Variants in ENOX1 observed in about 807,000 individuals in gnomAD.
ENOX1 encodes candidate growth-related and time keeping constitutive hydroquinone (NADH) oxidase.
ENOX1 carries 42 observed loss-of-function variants against 82.5 expected under a neutral mutation model. The observed-to-expected ratio is 0.51, with a 90% CI of 0.40 to 0.66. The LOEUF (loss-of-function observed/expected upper bound fraction) is 0.66, where lower values mean the gene tolerates loss of function less well. Ranked by LOEUF, ENOX1 falls within the 30% of genes least tolerant of loss-of-function variation. The pLI is 0.00. For synonymous variants in ENOX1, 271 were observed against 282.2 expected (o/e 0.96, Z 0.40); for missense variants, 608 against 811.6 (o/e 0.75, Z 3.05).
chr13:43,293,473 G>T (rs1174376317), intron 12 of ENOX1, among the ~76,000 whole-genome samples: 1 of 151,854 alleles, frequency 6.6e-6, no homozygotes, highest in East Asian at 1.9e-4. Context: ...TATCACTACT[G>T]CAGTCACCTT....
intron 1 of ENOX1, among the ~76,000 whole-genome samples, chr13:43,668,347 G>A (rs1028389157): frequency 1.3e-5 from 2 of 152,126 alleles, no homozygotes; most frequent in Non-Finnish European, 2.9e-5. Flanking sequence ...AGAATCATAA[G>A]AAATAGGTTG....
rs750558048 is a variant in ENOX1, at chr13:43,411,946, C to A, written c.178G>T (p.Val60Leu). 4.3e-6 allele frequency: 7 copies of A among 1,614,182 alleles called. No homozygotes were observed. Among genetic ancestry groups the A allele is most frequent in the Non-Finnish European group, 5.9e-6 (7 of 1,180,034 alleles). ...TAMNNLGMVP[V>L]GLPGQQLVSD... ...ACGAGCTGCTGTCCAGGCAACCCTA[C>A]GGGAACCATGCCCAGGTTATTCATG... Residue 60 changes from valine to leucine, a missense_variant, in exon 5 of 17, where the codon GTA becomes TTA. Val to Leu is a conservative substitution (Grantham distance 32, BLOSUM62 1). Transcript: ENST00000690772.
intron 14 of ENOX1, among the ~76,000 whole-genome samples, chr13:43,259,404 G>C (rs1490496584): frequency 6.6e-6 from 1 of 152,208 alleles, no homozygotes; most frequent in African/African-American, 2.4e-5. Flanking sequence ...CAGGATGCAA[G>C]AGCTGCAACA....
chr13:43,470,259 TACATATATATAC>T (rs1177367967), intron 3 of ENOX1, among the ~76,000 whole-genome samples: 1 of 60,198 alleles, frequency 1.7e-5, no homozygotes, highest in Non-Finnish European at 4.5e-5. Flanking sequence ...CATATATATA[TACATATATATAC>T]ACATATATAT....
At chr13:43,321,701 C>T (rs1353488165) in intron 11 of ENOX1, among the ~76,000 whole-genome samples, 5 of 152,230 alleles carry the variant, frequency 3.3e-5, no homozygotes, top group Non-Finnish European at 7.3e-5. Context: ...CTAGGTCCTT[C>T]GGACAACACC....
At chr13:43,283,351 ATTTGGCTGTGTTG>A (rs1277116980) in intron 12 of ENOX1, among the ~76,000 whole-genome samples, 6 of 152,090 alleles carry the variant, frequency 3.9e-5, no homozygotes, top group African/African-American at 1.4e-4. Flanking sequence ...CTTTTCAAAC[ATTTGGCTGTGTTG>A]ATCTTCTCTA....
At chr13:43,497,319 A>C (rs1035252240) in intron 2 of ENOX1, among the ~76,000 whole-genome samples, 2 of 152,264 alleles carry the variant, frequency 1.3e-5, no homozygotes, top group South Asian at 4.1e-4. Context: ...AACTGGTGAG[A>C]GTGAACACCC....
chr13:43,333,479 G>A (rs536587724), intron 9 of ENOX1, among the ~76,000 whole-genome samples: 3 of 152,306 alleles, frequency 2.0e-5, no homozygotes, highest in African/African-American at 7.2e-5. Flanking sequence ...TTGTTGGCTC[G>A]ATGCTAAGTC....
intron 2 of ENOX1, among the ~76,000 whole-genome samples, chr13:43,571,308 T>G (rs2080168124): frequency 6.6e-6 from 1 of 152,196 alleles, no homozygotes; most frequent in South Asian, 2.1e-4. Flanking sequence ...ACTCCATCTG[T>G]CTCACTCTCA....
chr13:43,762,817 A>G (rs1188023196), intron 1 of ENOX1, among the ~76,000 whole-genome samples: 1 of 152,230 alleles, frequency 6.6e-6, no homozygotes, highest in Non-Finnish European at 1.5e-5. Flanking sequence ...AAGCCTCTGA[A>G]GCATTACAAG....
rs574227304 is a variant in ENOX1 at position 43,523,517 on chromosome 13, A to G, written c.-218-39365T>C. 1.9e-4 allele frequency among the ~76,000 whole-genome samples: 29 copies of G among 152,320 alleles called. No individual in the cohort carries two copies. The South Asian group carries it at 6.0e-3, about 32-fold the overall frequency. ...AAATTAGTTTTCTTACCTGATGAAC[A>G]AGGACTGTGAACGGGATCAATGACT... On this transcript the variant is annotated intron_variant, in intron 2 of 16. Transcript: ENST00000690772.
At position 43,339,567 on chromosome 13, in the gene ENOX1, T is replaced by A. The variant is rs139984629; in HGVS notation, c.1036+4971A>T. On this transcript the variant is annotated intron_variant, in intron 9 of 16. Coordinates refer to ENST00000690772, the MANE Select transcript of ENOX1 (RefSeq NM_001347969.2). ...GGCCTGCTCCACTAGTTAGCCAGTT[T>A]GCCAATACACCTGCTTCCAAACCAC... 8.6e-3 allele frequency among the ~76,000 whole-genome samples: 1,315 copies of A among 152,356 alleles called. 26 individuals are homozygous for A. Among genetic ancestry groups the A allele is most frequent in the African/African-American group, 0.029 (1,220 of 41,576 alleles).
At chr13:43,292,315 T>C (rs1375721984) in intron 12 of ENOX1, among the ~76,000 whole-genome samples, 1 of 152,112 alleles carries the variant, frequency 6.6e-6, no homozygotes, top group African/African-American at 2.4e-5. Context: ...GAAACTTCAA[T>C]TGGAAGGATC....
At chr13:43,322,283 T>C (rs1162128605) in intron 11 of ENOX1, 101 bp downstream of exon 11, 2 of 841,214 alleles carry the variant, frequency 2.4e-6, no homozygotes, top group Middle Eastern at 2.8e-4. Flanking sequence ...TTTAGTATAA[T>C]TCAAATAAAA....
intron 1 of ENOX1, among the ~76,000 whole-genome samples, chr13:43,778,494 A>G (rs1271116579): frequency 6.6e-6 from 1 of 152,152 alleles, no homozygotes; most frequent in African/African-American, 2.4e-5. Context: ...CAACAGATAC[A>G]AATGCACAGA....
At chr13:43,339,728 T>C (rs1267802237) in intron 9 of ENOX1, among the ~76,000 whole-genome samples, 1 of 152,154 alleles carries the variant, frequency 6.6e-6, no homozygotes, top group Non-Finnish European at 1.5e-5. Context: ...AGGGAGCAGT[T>C]GGGGCTGCTA....
chr13:43,222,802 G>A (rs959195972), intron 16 of ENOX1, among the ~76,000 whole-genome samples: 1 of 152,198 alleles, frequency 6.6e-6, no homozygotes, highest in Admixed American at 6.5e-5. Context: ...GGAACATTGT[G>A]CAGCAAGTCC....
At chr13:43,512,074 C>A (rs2077391099) in intron 2 of ENOX1, among the ~76,000 whole-genome samples, 1 of 151,984 alleles carries the variant, frequency 6.6e-6, no homozygotes, top group Non-Finnish European at 1.5e-5. Flanking sequence ...AGATGCATAT[C>A]TAATATACAT....
chr13:43,579,866 G>A (rs2080624202), intron 2 of ENOX1, among the ~76,000 whole-genome samples: 1 of 152,182 alleles, frequency 6.6e-6, no homozygotes, highest in Admixed American at 6.5e-5. Context: ...TACTGTAAGT[G>A]GAGGGATATG....
Sources: gnomAD v4.1 joint callset for allele counts (sites outside exome capture counted in the v4.1 genomes callset) on GRCh38, gnomAD v4.1.1 for gene constraint, MANE v1.5 for transcripts, NCBI Gene and HGNC (gene_info 2026-07-23, HGNC 2026-07-21) for gene names.